Variants in PCDH11X observed in about 807,000 individuals in gnomAD.
The protein encoded by PCDH11X is protocadherin 11 X-linked.
Under a neutral mutation model 53.3 loss-of-function variants are expected in PCDH11X, and 18 were observed. That is an observed-to-expected ratio of 0.34 (90% CI 0.23 to 0.50). The LOEUF (loss-of-function observed/expected upper bound fraction) is 0.50, where lower values mean the gene tolerates loss of function less well. Among genes scored for constraint, PCDH11X ranks in the 20% least tolerant of loss-of-function variants. The pLI is 0.98. For synonymous variants in PCDH11X, 279 were observed against 393.3 expected (o/e 0.71, Z 3.44); for missense variants, 570 against 1,032.4 (o/e 0.55, Z 6.14).
chrX:91,806,180 T>C (rs1936099226), intron 1 of PCDH11X, among the ~76,000 whole-genome samples: 1 of 114,114 alleles, frequency 8.8e-6, no homozygotes, highest in South Asian at 3.4e-4. Flanking sequence ...ACTCATTTTT[T>C]TCCTGTCTTG....
chrX:92,504,295 A>G (rs1439326153), intron 10 of PCDH11X, among the ~76,000 whole-genome samples: 7 of 105,402 alleles, frequency 6.6e-5, no homozygotes, highest in Non-Finnish European at 1.4e-4. Context: ...CCTGGTGTCT[A>G]TTGTTCCCTT....
chrX:92,472,361 T>C (rs1452128678), intron 10 of PCDH11X, among the ~76,000 whole-genome samples: 5 of 104,091 alleles, frequency 4.8e-5, no homozygotes, highest in African/African-American at 7.0e-5. Flanking sequence ...GAAAATCCTT[T>C]CTTCAGAGCT....
rs372869873 is a variant in PCDH11X, at chrX:92,024,480, G to A, written c.3033+145207G>A. Among the ~76,000 whole-genome samples, 4 of 110,285 alleles carry A rather than the reference G, an allele frequency of 3.6e-5. 1 individual carries two copies. The highest frequency in any genetic ancestry group is 1.9e-5 in the Non-Finnish European group (1 of 52,897). On this transcript the variant is annotated intron_variant, in intron 6 of 10. Coordinates refer to ENST00000682573, the MANE Select transcript of PCDH11X (RefSeq NM_032968.5). ...AAGGGATATGAAGGATCTCTTCAAG[G>A]AGAACTGCAAACCACTGCTCAAGAA...
At chrX:92,589,408 T>C (rs1300603850) in intron 10 of PCDH11X, among the ~76,000 whole-genome samples, 3 of 111,751 alleles carry the variant, frequency 2.7e-5, no homozygotes, top group Admixed American at 9.5e-5. Flanking sequence ...TACAATAACA[T>C]ATAAATATTA....
intron 6 of PCDH11X, among the ~76,000 whole-genome samples, chrX:91,969,774 G>A (rs763790085): frequency 1.9e-5 from 2 of 103,044 alleles, no homozygotes; most frequent in Admixed American, 2.1e-4. Flanking sequence ...TGCAGCCTGG[G>A]TGACTGAGTC....
chrX:92,047,028 A>G (rs2063300135), intron 6 of PCDH11X, among the ~76,000 whole-genome samples: 1 of 86,996 alleles, frequency 1.1e-5, no homozygotes. Flanking sequence ...ACATGCTTAC[A>G]TGAAAAAATA....
rs748710398 is a variant in PCDH11X, at chrX:92,618,825, G to A, written c.3929G>A (p.Arg1310Lys). ...TCTCAGTTTTACACCATGTCTGAAA[G>A]ACTTCATCCCAGTGATGATTCAATT... ...ATSQFYTMSERLHPSDDSIKV... is the reference protein window; with the variant it reads ...ATSQFYTMSEKLHPSDDSIKV... Residue 1310 changes from arginine to lysine, a missense_variant, in exon 11 of 11, where the codon AGA (arginine) becomes AAA (lysine). Physicochemically the swap from Arg to Lys is conservative, Grantham distance 26. Transcript: ENST00000682573. The A allele has an allele frequency of 2.5e-6, 3 of 1,211,897 alleles. No individual in the cohort carries two copies. The highest frequency in any genetic ancestry group is 3.4e-6 in the Non-Finnish European group (3 of 895,486).
chrX:92,039,648 G>A (rs1204847668), intron 6 of PCDH11X, among the ~76,000 whole-genome samples: 1 of 112,006 alleles, frequency 8.9e-6, no homozygotes, highest in Non-Finnish European at 1.9e-5. Flanking sequence ...GTTCATAAAT[G>A]TTATCCAAGA....
intron 6 of PCDH11X, among the ~76,000 whole-genome samples, chrX:91,966,387 G>A (rs2061863921): frequency 9.1e-6 from 1 of 109,866 alleles, no homozygotes; most frequent in Non-Finnish European, 1.9e-5. Context: ...AGAATATAAA[G>A]AGATGTGTTA....
At chrX:92,453,213 T>C (rs1046915969) in intron 9 of PCDH11X, among the ~76,000 whole-genome samples, 56 of 106,931 alleles carry the variant, frequency 5.2e-4, no homozygotes, top group African/African-American at 1.9e-3. Flanking sequence ...TGCAAACTAG[T>C]GAAGTGGCTT....
intron 10 of PCDH11X, among the ~76,000 whole-genome samples, chrX:92,480,032 G>A (rs1009743831): frequency 9.0e-6 from 1 of 110,760 alleles, no homozygotes; most frequent in Non-Finnish European, 1.9e-5. Context: ...TTTTTTGGAG[G>A]TTTTATGTAT....
At chrX:92,069,994 T>C (rs750670969) in intron 6 of PCDH11X, among the ~76,000 whole-genome samples, 190 of 111,481 alleles carry the variant, frequency 1.7e-3, no homozygotes, top group African/African-American at 6.0e-3. Flanking sequence ...CCTGATTTTT[T>C]AAATGGATAA....
At chrX:92,290,991 T>G (rs2068480800) in intron 8 of PCDH11X, among the ~76,000 whole-genome samples, 2 of 91,494 alleles carry the variant, frequency 2.2e-5, no homozygotes, top group Non-Finnish European at 4.3e-5. Flanking sequence ...AGCACTGACC[T>G]TCTGGGCTCA....
At chrX:91,894,828 T>C (rs1487823327) in intron 6 of PCDH11X, among the ~76,000 whole-genome samples, 1 of 111,228 alleles carries the variant, frequency 9.0e-6, no homozygotes, top group Non-Finnish European at 1.9e-5. Flanking sequence ...TAGTCTGGCA[T>C]GTAGAATGTG....
chrX:92,537,650 CA>C (rs77743001), intron 10 of PCDH11X, among the ~76,000 whole-genome samples: 18,386 of 74,827 alleles, frequency 0.25, 1,557 homozygotes, highest in East Asian at 0.42. Flanking sequence ...ATAACACTGG[CA>C]AAAAAAAAAA....
chrX:92,301,575 G>A (rs1171526456), intron 8 of PCDH11X, among the ~76,000 whole-genome samples: 3 of 110,895 alleles, frequency 2.7e-5, no homozygotes, highest in African/African-American at 6.6e-5. Flanking sequence ...CCAGATGTCC[G>A]TGGCGAAAGT....
At chrX:92,332,513 A>T (rs1035884106) in intron 8 of PCDH11X, among the ~76,000 whole-genome samples, 1 of 111,173 alleles carries the variant, frequency 9.0e-6, no homozygotes, top group African/African-American at 3.3e-5. Context: ...AAGTACCACT[A>T]TCACTACTCC....
At chrX:92,407,801 C>T (rs2071554004) in intron 9 of PCDH11X, among the ~76,000 whole-genome samples, 1 of 111,124 alleles carries the variant, frequency 9.0e-6, no homozygotes, top group Admixed American at 9.6e-5. Flanking sequence ...AGTTTATAAT[C>T]CCACTAAGTG....
At chrX:92,605,306 T>G (rs1336058976) in intron 10 of PCDH11X, among the ~76,000 whole-genome samples, 2 of 110,731 alleles carry the variant, frequency 1.8e-5, no homozygotes, top group Non-Finnish European at 3.8e-5. Flanking sequence ...AAGATCTTCC[T>G]AAGTAATAAA....
Sources: gnomAD v4.1 joint callset for allele counts (sites outside exome capture counted in the v4.1 genomes callset) on GRCh38, gnomAD v4.1.1 for gene constraint, MANE v1.5 for transcripts, NCBI Gene and HGNC (gene_info 2026-07-23, HGNC 2026-07-21) for gene names.